COL25A1: variants seen among roughly 807,000 people sequenced by gnomAD.
COL25A1 encodes the protein collagen type XXV alpha 1 chain.
COL25A1 carries 103 observed loss-of-function variants against 128.4 expected under a neutral mutation model. The ratio of observed to expected loss-of-function variants is 0.80; its 90% CI spans 0.68 to 0.94. The LOEUF is 0.94. COL25A1 is among the 40% of genes least tolerant of loss of function. COL25A1 has a pLI of 0.00. For missense variants in COL25A1, 745 were observed against 840.0 expected (o/e 0.89, Z 1.40); for synonymous variants, 279 against 277.2 (o/e 1.01, Z -0.06).
At chr4:109,070,425 C>G (rs1339010869) in intron 3 of COL25A1, among the ~76,000 whole-genome samples, 6 of 151,756 alleles carry the variant, frequency 4.0e-5, no homozygotes, top group African/African-American at 1.5e-4. Context: ...TCTTCATATT[C>G]ATGATCTTTA....
chr4:108,922,884 A>G (rs1745632548), intron 11 of COL25A1, among the ~76,000 whole-genome samples: 1 of 152,198 alleles, frequency 6.6e-6, no homozygotes, highest in Non-Finnish European at 1.5e-5. Flanking sequence ...TTCAGTTACC[A>G]GAAATGTGCA....
intron 3 of COL25A1, among the ~76,000 whole-genome samples, chr4:109,196,642 T>A (rs1367222330): frequency 1.3e-5 from 2 of 152,148 alleles, no homozygotes; most frequent in Non-Finnish European, 2.9e-5. Context: ...CAGCTCAGTG[T>A]AAAAAGAAGC....
intron 3 of COL25A1, among the ~76,000 whole-genome samples, chr4:109,246,814 A>C (rs1408292019): frequency 6.6e-6 from 1 of 152,152 alleles, no homozygotes; most frequent in Non-Finnish European, 1.5e-5. Flanking sequence ...TAGGGTTTGT[A>C]AGGGACACAA....
At chr4:109,187,815 T>C (rs944331218) in intron 3 of COL25A1, among the ~76,000 whole-genome samples, 1 of 152,094 alleles carries the variant, frequency 6.6e-6, no homozygotes, top group South Asian at 2.1e-4. Flanking sequence ...GCAATGAAAG[T>C]ACATCAACCT....
intron 3 of COL25A1, among the ~76,000 whole-genome samples, chr4:109,255,183 G>A (rs1438655296): frequency 6.6e-6 from 1 of 152,140 alleles, no homozygotes; most frequent in Admixed American, 6.5e-5. Flanking sequence ...ATATGAATTT[G>A]TAATTTATCA....
intron 6 of COL25A1, among the ~76,000 whole-genome samples, chr4:108,998,605 G>GA (rs1216177894): frequency 6.6e-6 from 1 of 152,148 alleles, no homozygotes; most frequent in Non-Finnish European, 1.5e-5. Context: ...CACAGAACTG[G>GA]AAAAAACTAC....
chr4:109,125,003 GAAAAC>G (rs1768456586), intron 3 of COL25A1, among the ~76,000 whole-genome samples: 1 of 151,902 alleles, frequency 6.6e-6, no homozygotes, highest in Non-Finnish European at 1.5e-5. Flanking sequence ...TTTAAAAACA[GAAAAC>G]AAAGCAAAAC....
intron 3 of COL25A1, among the ~76,000 whole-genome samples, chr4:109,224,026 T>C (rs1377641453): frequency 2.0e-5 from 3 of 152,224 alleles, no homozygotes; most frequent in African/African-American, 4.8e-5. Context: ...ATTTACTTCA[T>C]TGCTTCAAAT....
chr4:109,282,054 C>A (rs1026777053), intron 3 of COL25A1, among the ~76,000 whole-genome samples: 7 of 152,184 alleles, frequency 4.6e-5, no homozygotes, highest in Non-Finnish European at 1.0e-4. Flanking sequence ...ATGCTGCAGG[C>A]AGCAGAAAAC....
At chr4:109,026,237 T>C (rs6856410) in intron 5 of COL25A1, among the ~76,000 whole-genome samples, 77,588 of 151,088 alleles carry the variant, frequency 0.51, 22,605 homozygotes, top group African/African-American at 0.78. Context: ...ATTTCAAGAG[T>C]AGGAGAGGAA....
chr4:109,115,234 A>G (rs1767425084), intron 3 of COL25A1, among the ~76,000 whole-genome samples: 1 of 152,076 alleles, frequency 6.6e-6, no homozygotes, highest in Admixed American at 6.6e-5. Context: ...AAAGAAAACA[A>G]ATACCTTTAT....
At chr4:109,052,865 G>T (rs1761117248) in intron 3 of COL25A1, among the ~76,000 whole-genome samples, 1 of 152,208 alleles carries the variant, frequency 6.6e-6, no homozygotes, top group South Asian at 2.1e-4. Flanking sequence ...AAAAGATAGT[G>T]GCCATTTTCA....
chr4:109,186,153 C>T (rs574977197), intron 3 of COL25A1, among the ~76,000 whole-genome samples: 3 of 150,452 alleles, frequency 2.0e-5, no homozygotes, highest in Non-Finnish European at 3.0e-5. Flanking sequence ...AAGAGAAGCA[C>T]GTGGAAATCT....
intron 19 of COL25A1, among the ~76,000 whole-genome samples, chr4:108,876,339 A>G (rs1739451390): frequency 6.6e-6 from 1 of 152,048 alleles, no homozygotes; most frequent in South Asian, 2.1e-4. Context: ...AGACAAGAGG[A>G]GAGAGAAATA....
rs538930628 is a variant in COL25A1, at chr4:108,852,476, C to T, written c.1345-196G>A. On this transcript the variant is annotated intron_variant, in intron 25 of 37. Transcript: ENST00000399132. Reference sequence around the variant, plus strand: ...CTATTTATATGCTAAAATATTAACACATTTGAGGTCAAAATAATGTGGAAG... The same window carrying T: ...CTATTTATATGCTAAAATATTAACATATTTGAGGTCAAAATAATGTGGAAG... 2.6e-5 allele frequency among the ~76,000 whole-genome samples: 4 copies of T among 152,244 alleles called. No homozygotes were observed. In the East Asian group the frequency reaches 7.7e-4, roughly 29 times the overall value.
At chr4:109,203,077 C>T (rs942805118) in intron 3 of COL25A1, among the ~76,000 whole-genome samples, 3 of 152,066 alleles carry the variant, frequency 2.0e-5, no homozygotes, top group Non-Finnish European at 4.4e-5. Context: ...AAGTCCCTGG[C>T]CCCAGGTCCC....
At chr4:108,831,680 GA>G in intron 32 of COL25A1, among the ~76,000 whole-genome samples, 3 of 101,544 alleles carry the variant, frequency 3.0e-5, no homozygotes, top group African/African-American at 1.3e-4. Flanking sequence ...CAGAAAGAGA[GA>G]GAGGGGGAGA....
chr4:109,268,860 C>T (rs145871853), intron 3 of COL25A1, among the ~76,000 whole-genome samples: 29 of 152,220 alleles, frequency 1.9e-4, no homozygotes, highest in African/African-American at 4.3e-4. Flanking sequence ...AGGAGGCTTC[C>T]GGTAGCTCCC....
chr4:108,950,639 G>A (rs140742607), intron 8 of COL25A1, among the ~76,000 whole-genome samples: 206 of 152,326 alleles, frequency 1.4e-3, no homozygotes, highest in Non-Finnish European at 2.0e-3. Context: ...CCCTTGAGAC[G>A]TAGACTCTGT....
Sources: gnomAD v4.1 joint callset for allele counts (sites outside exome capture counted in the v4.1 genomes callset) on GRCh38, gnomAD v4.1.1 for gene constraint, MANE v1.5 for transcripts, NCBI Gene and HGNC (gene_info 2026-07-23, HGNC 2026-07-21) for gene names.